FAM219A: variants seen among roughly 807,000 people sequenced by gnomAD.
FAM219A encodes protein FAM219A.
Under a neutral mutation model 23.4 loss-of-function variants are expected in FAM219A, and 7 were observed. The ratio of observed to expected loss-of-function variants is 0.30; its 90% confidence interval spans 0.17 to 0.56. FAM219A has a LOEUF of 0.56. Ranked by LOEUF, FAM219A falls within the 20% of genes least tolerant of loss-of-function variation. The pLI, the probability that FAM219A is intolerant of heterozygous loss-of-function variation, is 0.92. For synonymous variants in FAM219A, 93 were observed against 99.0 expected (o/e 0.94, Z 0.36); for missense variants, 166 against 246.9 (o/e 0.67, Z 2.20).
chr9:34,427,552 G>A (rs533537882), intron 1 of FAM219A, among the ~76,000 whole-genome samples: 5 of 152,236 alleles, frequency 3.3e-5, no homozygotes, highest in South Asian at 2.1e-4. Flanking sequence ...ATAAATGTTC[G>A]TGAAGGTAGG....
chr9:34,442,093 G>A (rs528018780), intron 1 of FAM219A, among the ~76,000 whole-genome samples: 1 of 152,312 alleles, frequency 6.6e-6, no homozygotes, highest in African/African-American at 2.4e-5. Flanking sequence ...TTCCTGGTAT[G>A]AAATACATAC....
At chr9:34,402,006 G>C in intron 4 of FAM219A, among the ~76,000 whole-genome samples, 1 of 140,796 alleles carries the variant, frequency 7.1e-6, no homozygotes, top group East Asian at 2.0e-4. Flanking sequence ...AAATCACCCT[G>C]ACTTGTAGGA....
At chr9:34,449,355 T>C (rs1390567321) in intron 1 of FAM219A, among the ~76,000 whole-genome samples, 1 of 152,104 alleles carries the variant, frequency 6.6e-6, no homozygotes, top group African/African-American at 2.4e-5. Context: ...AAATTATATC[T>C]CAATAAAGTT....
intron 1 of FAM219A, among the ~76,000 whole-genome samples, chr9:34,424,440 G>GTGTGGGCAAGGGGTGGGC (rs1410126120): frequency 4.0e-5 from 5 of 124,054 alleles, no homozygotes; most frequent in Admixed American, 7.6e-5. Flanking sequence ...CTTTTAGGAA[G>GTGTGGGCAAGGGGTGGGC]TGTGGGCAAG....
intron 1 of FAM219A, among the ~76,000 whole-genome samples, chr9:34,450,308 C>CAAA (rs35932974): frequency 4.8e-5 from 6 of 125,716 alleles, no homozygotes; most frequent in African/African-American, 1.4e-4. Context: ...GACCCTGTCT[C>CAAA]AAAAAAAAAA....
rs370276665 is a variant in FAM219A at position 34,432,500 on chromosome 9, T to C, written c.60+25704A>G. 1.3e-3 allele frequency among the ~76,000 whole-genome samples: 196 copies of C among 152,362 alleles called. 1 individual carries two copies. Among genetic ancestry groups the C allele is most frequent in the African/African-American group, 4.2e-3 (174 of 41,582 alleles). On this transcript the variant is annotated intron_variant, in intron 1 of 5. Coordinates refer to ENST00000651358, the MANE Select transcript of FAM219A (RefSeq NM_001184940.2). ...GGCTTGCATGGAAACATTATATCTC[T>C]ATCTGTTTTGACTGCCCTTCCTACT... is the stretch of plus-strand genomic sequence containing the variant.
In FAM219A at chr9:34,417,391, T is replaced by C. The variant is rs565750235; in HGVS notation, c.61-11427A>G. Among the ~76,000 whole-genome samples, 1 of 152,342 alleles carries C rather than the reference T, an allele frequency of 6.6e-6. No homozygotes were observed. Among genetic ancestry groups the C allele is most frequent in the East Asian group, 1.9e-4 (1 of 5,176 alleles). The stretch of plus-strand genomic sequence containing the variant: ...ATAGTTTTTGTAACTATCAGTTTAA[T>C]GGCTGCATAATACCTATAGAGAGGA... On this transcript the variant is annotated intron_variant, in intron 1 of 5. Transcript: ENST00000651358. The surrounding 1 kb of genome is among the most constrained non-coding windows in gnomAD (Gnocchi z 4.1).
At chr9:34,404,384 A>T (rs1821557802) in intron 2 of FAM219A, among the ~76,000 whole-genome samples, 1 of 152,218 alleles carries the variant, frequency 6.6e-6, no homozygotes, top group South Asian at 2.1e-4. Context: ...TAAAGAAGTT[A>T]TGCTTGTTAA....
chr9:34,405,770 G>T, intron 2 of FAM219A, 95 bp downstream of exon 2: 1 of 1,233,500 alleles, frequency 8.1e-7, no homozygotes, highest in Non-Finnish European at 1.2e-6. Flanking sequence ...GAATCATCTA[G>T]GCTGAGCTGG....
chr9:34,419,788 G>A (rs1428110888), intron 1 of FAM219A, among the ~76,000 whole-genome samples: 1 of 152,204 alleles, frequency 6.6e-6, no homozygotes, highest in East Asian at 1.9e-4. Context: ...TGATTTGCAG[G>A]AAAGCAAAGT....
chr9:34,429,664 C>T (rs1822618743), intron 1 of FAM219A, among the ~76,000 whole-genome samples: 1 of 152,244 alleles, frequency 6.6e-6, no homozygotes, highest in African/African-American at 2.4e-5. Flanking sequence ...GTTGGGGTGG[C>T]AGGTTGCAAG....
intron 2 of FAM219A, among the ~76,000 whole-genome samples, chr9:34,404,066 A>G (rs778931818): frequency 3.9e-5 from 6 of 152,170 alleles, no homozygotes; most frequent in Non-Finnish European, 8.8e-5. Context: ...TTTGATGGTA[A>G]TGTAATGGGG....
Position 34,398,585 on chromosome 9 carries a change from G to T in FAM219A, c.*2379C>A, listed in dbSNP as rs541509873. ...CTGCCAGGGAACTAGTATGTCCTGT[G>T]GGGGGGGAGATTTTCCCTGGTGTCT... On this transcript the variant is annotated 3_prime_UTR_variant, in exon 6 of 6. Coordinates refer to ENST00000651358, the MANE Select transcript of FAM219A (RefSeq NM_001184940.2). 4.2e-4 allele frequency: 238 copies of T among 563,824 alleles called. No individual in the cohort carries two copies. Among genetic ancestry groups the T allele is most frequent in the East Asian group, 4.1e-4 (14 of 34,072 alleles). 34.9% of individuals were successfully genotyped at this position (563,824 alleles called of 1,614,324 possible).
intron 1 of FAM219A, among the ~76,000 whole-genome samples, chr9:34,422,021 C>T (rs572522269): frequency 1.3e-5 from 2 of 152,288 alleles, no homozygotes; most frequent in African/African-American, 4.8e-5. Flanking sequence ...GAGCCCTCCA[C>T]CCTGACCTTA....
At chr9:34,424,696 C>A (rs1182183621) in intron 1 of FAM219A, among the ~76,000 whole-genome samples, 1 of 152,202 alleles carries the variant, frequency 6.6e-6, no homozygotes, top group African/African-American at 2.4e-5. Context: ...CAGAGAGGAG[C>A]AGCCTGCGTT....
chr9:34,402,227 G>C (rs1376964835), intron 4 of FAM219A, 160 bp downstream of exon 4: 1 of 1,593,572 alleles, frequency 6.3e-7, no homozygotes, highest in Non-Finnish European at 8.6e-7. Flanking sequence ...CCCAGTCCCT[G>C]GTGTAAAAAA....
At chr9:34,422,065 A>G (rs1822303642) in intron 1 of FAM219A, among the ~76,000 whole-genome samples, 1 of 152,130 alleles carries the variant, frequency 6.6e-6, no homozygotes, top group South Asian at 2.1e-4. Flanking sequence ...AGAGGGAACA[A>G]TAGTCTGGGA....
rs574243829 is a variant in FAM219A at position 34,400,863 on chromosome 9, C to T, written c.*101G>A. The T allele has an allele frequency of 1.0e-4, 128 of 1,278,534 alleles. 1 individual carries two copies. In the Admixed American group the frequency reaches 2.4e-3, roughly 24 times the overall value. 79.2% of individuals were successfully genotyped at this position (1,278,534 alleles called of 1,614,324 possible). A position where few individuals can be genotyped will look rare whatever the true frequency, so the allele number is the denominator to read the frequency against. On this transcript the variant is annotated 3_prime_UTR_variant, in exon 6 of 6. Coordinates refer to ENST00000651358, the MANE Select transcript of FAM219A (RefSeq NM_001184940.2). ...TACGAGGTTGGCGGCTGTAGGGGCG[C>T]GGGGCCGGGGGCAGGCAGACGAGCT...
intron 1 of FAM219A, among the ~76,000 whole-genome samples, chr9:34,408,115 C>G (rs533034216): frequency 6.6e-6 from 1 of 152,346 alleles, no homozygotes; most frequent in African/African-American, 2.4e-5. Flanking sequence ...ATCCCTAGCC[C>G]TTAGCCTTGA....
Sources: gnomAD v4.1 joint callset for allele counts (sites outside exome capture counted in the v4.1 genomes callset) on GRCh38, gnomAD v4.1.1 for gene constraint, Gnocchi (gnomAD v3.1) non-coding constraint, MANE v1.5 for transcripts, NCBI Gene and HGNC (gene_info 2026-07-23, HGNC 2026-07-21) for gene names.